The following RNF150 variants were observed in gnomAD, a reference collection of about 807,000 sequenced individuals.
RNF150 encodes ring finger protein 150.
Under a neutral mutation model 39.3 loss-of-function variants are expected in RNF150, and 24 were observed. The observed-to-expected ratio is 0.61, with a 90% confidence interval of 0.44 to 0.86. The LOEUF is 0.86. Among genes scored for constraint, RNF150 ranks in the 40% least tolerant of loss-of-function variants. RNF150 has a pLI of 0.00. For synonymous variants in RNF150, 255 were observed against 227.3 expected (o/e 1.12, Z -1.10); for missense variants, 502 against 587.8 (o/e 0.85, Z 1.51).
intron 1 of RNF150, among the ~76,000 whole-genome samples, chr4:141,037,572 A>C (rs925159025): frequency 6.6e-6 from 1 of 152,214 alleles, no homozygotes; most frequent in Non-Finnish European, 1.5e-5. Flanking sequence ...GTTTCCCAAT[A>C]AAATAATATC....
intron 6 of RNF150, among the ~76,000 whole-genome samples, chr4:140,890,540 T>C (rs1305610091): frequency 1.3e-5 from 2 of 152,146 alleles, no homozygotes; most frequent in Non-Finnish European, 2.9e-5. Context: ...GGTTATGAGG[T>C]TGGGGTGCCC....
chr4:141,124,895 A>G (rs1401230424), intron 1 of RNF150, among the ~76,000 whole-genome samples: 1 of 152,228 alleles, frequency 6.6e-6, no homozygotes, highest in African/African-American at 2.4e-5. Flanking sequence ...TAAAATCTCT[A>G]TTATGAAATA....
chr4:141,046,658 T>C (rs577480670), intron 1 of RNF150, among the ~76,000 whole-genome samples: 12 of 152,254 alleles, frequency 7.9e-5, no homozygotes, highest in African/African-American at 2.9e-4. Flanking sequence ...TTTATTTTGG[T>C]TTTTGCCAGC....
rs185769011 is a variant in RNF150, at chr4:141,063,248, A to T, written c.484+69077T>A. Among the ~76,000 whole-genome samples, 605 of 152,312 alleles carry T rather than the reference A, an allele frequency of 4.0e-3. 1 individual carries two copies. The highest frequency in any genetic ancestry group is 6.0e-3 in the Non-Finnish European group (406 of 68,028). On this transcript the variant is annotated intron_variant, in intron 1 of 6. Transcript: ENST00000515673. Reference sequence around the variant, plus strand: ...TATTTATAGCATATCTTACCTTCTCACAGAAGGATCTGAATTAAGCAGATG... The same window carrying T: ...TATTTATAGCATATCTTACCTTCTCTCAGAAGGATCTGAATTAAGCAGATG...
At chr4:141,025,445 A>T (rs1321707505) in intron 1 of RNF150, among the ~76,000 whole-genome samples, 3 of 152,134 alleles carry the variant, frequency 2.0e-5, no homozygotes, top group African/African-American at 7.2e-5. Flanking sequence ...GAGCATTTTC[A>T]GTCAAACATT....
chr4:141,114,849 C>A (rs1010588480), intron 1 of RNF150, among the ~76,000 whole-genome samples: 1 of 152,162 alleles, frequency 6.6e-6, no homozygotes. Context: ...ATATGCAAAT[C>A]AATAAGTGTA....
intron 1 of RNF150, among the ~76,000 whole-genome samples, chr4:141,180,167 A>G (rs1727881855): frequency 6.6e-6 from 1 of 152,186 alleles, no homozygotes; most frequent in South Asian, 2.1e-4. Flanking sequence ...TCACAAAGTG[A>G]GGTCTTGGAA....
chr4:140,919,989 G>A (rs1270106650), intron 5 of RNF150, among the ~76,000 whole-genome samples: 2 of 152,112 alleles, frequency 1.3e-5, no homozygotes, highest in African/African-American at 4.8e-5. Context: ...GCCATATGTA[G>A]AAAGCTGAAA....
intron 1 of RNF150, among the ~76,000 whole-genome samples, chr4:141,069,978 T>C (rs1737626579): frequency 6.6e-6 from 1 of 152,152 alleles, no homozygotes; most frequent in Non-Finnish European, 1.5e-5. Flanking sequence ...GCTAGCGGTC[T>C]ATCAATTTTG....
At chr4:141,208,343 A>G (rs1728409054) in intron 1 of RNF150, among the ~76,000 whole-genome samples, 1 of 152,140 alleles carries the variant, frequency 6.6e-6, no homozygotes, top group South Asian at 2.1e-4. Context: ...ATTGATACCC[A>G]TAGGCAGAAA....
At chr4:141,199,389 A>G (rs563406073) in intron 1 of RNF150, among the ~76,000 whole-genome samples, 243 of 152,328 alleles carry the variant, frequency 1.6e-3, no homozygotes, top group African/African-American at 5.4e-3. Context: ...TATTTTACAT[A>G]AAAACCTTTA....
chr4:140,871,687 T>A (rs1346077069), intron 6 of RNF150, among the ~76,000 whole-genome samples: 2 of 152,210 alleles, frequency 1.3e-5, no homozygotes, highest in Non-Finnish European at 2.9e-5. Flanking sequence ...TACAGTTCTA[T>A]AGAGACAGAA....
chr4:141,152,867 A>G (rs1474802108), intron 1 of RNF150, among the ~76,000 whole-genome samples: 1 of 152,184 alleles, frequency 6.6e-6, no homozygotes, highest in Non-Finnish European at 1.5e-5. Context: ...TTTCTGGGAT[A>G]CATGTGCAGA....
intron 6 of RNF150, among the ~76,000 whole-genome samples, chr4:140,889,175 G>T (rs1395598229): frequency 6.6e-6 from 1 of 152,102 alleles, no homozygotes; most frequent in Non-Finnish European, 1.5e-5. Flanking sequence ...GAGCCACTGT[G>T]CCTGGCTTAA....
At chr4:141,020,084 GT>G (rs1308488258) in intron 1 of RNF150, among the ~76,000 whole-genome samples, 1 of 143,902 alleles carries the variant, frequency 6.9e-6, no homozygotes. Context: ...AGCCAAGGGA[GT>G]TTTTTTTTGG....
chr4:141,204,276 G>A (rs1407118156), intron 1 of RNF150, among the ~76,000 whole-genome samples: 1 of 152,132 alleles, frequency 6.6e-6, no homozygotes, highest in African/African-American at 2.4e-5. Context: ...TTATGCAGGA[G>A]CAGTGAGAAC....
intron 1 of RNF150, among the ~76,000 whole-genome samples, chr4:141,047,965 A>G (rs1736641009): frequency 6.6e-6 from 1 of 152,180 alleles, no homozygotes; most frequent in South Asian, 2.1e-4. Flanking sequence ...AAAAGTCAAT[A>G]GGAGAATGAG....
chr4:141,142,394 A>C (rs1358395442), intron 1 of RNF150, among the ~76,000 whole-genome samples: 1 of 152,200 alleles, frequency 6.6e-6, no homozygotes, highest in African/African-American at 2.4e-5. Context: ...CCACATCAGT[A>C]ACCTCCCTGT....
chr4:140,958,247 G>C (rs765006674), intron 2 of RNF150, among the ~76,000 whole-genome samples: 1 of 152,022 alleles, frequency 6.6e-6, no homozygotes, highest in African/African-American at 2.4e-5. Flanking sequence ...GGGTAGGAGG[G>C]GGGTGCTGGA....
Sources: allele counts gnomAD v4.1 joint callset (sites outside exome capture counted in the v4.1 genomes callset), GRCh38; gene constraint gnomAD v4.1.1; transcripts MANE v1.5; gene names NCBI Gene and HGNC (gene_info 2026-07-23, HGNC 2026-07-21).